The following TSNARE1 variants were observed in gnomAD, a reference collection of about 807,000 sequenced individuals.
TSNARE1 encodes t-SNARE domain containing 1, also known as t-SNARE domain-containing protein 1.
TSNARE1 carries 49 observed loss-of-function variants against 62.0 expected under a neutral mutation model. That is an observed-to-expected ratio of 0.79 (90% confidence interval 0.63 to 1.00). The LOEUF is 1.00. TSNARE1 is among the 50% of genes least tolerant of loss of function. The pLI is 0.00. For missense variants in TSNARE1, 755 were observed against 700.1 expected, an observed-to-expected ratio of 1.08 and a Z score of -0.88; for synonymous variants, 328 against 294.4, an observed-to-expected ratio of 1.11 and a Z score of -1.17.
intron 10 of TSNARE1, among the ~76,000 whole-genome samples, chr8:142,293,209 C>T (rs1824099744): frequency 6.6e-6 from 1 of 152,254 alleles, no homozygotes; most frequent in South Asian, 2.1e-4. Flanking sequence ...GCAAGGCTAA[C>T]CCCTTAGCGT....
At chr8:142,396,234 A>AACACAC (rs144100549) in intron 1 of TSNARE1, among the ~76,000 whole-genome samples, 13 of 151,348 alleles carry the variant, frequency 8.6e-5, no homozygotes, top group Non-Finnish European at 3.0e-5. Flanking sequence ...GATAAACACA[A>AACACAC]ACACACACAC....
At chr8:142,402,134 G>C (rs1257046548) in intron 1 of TSNARE1, among the ~76,000 whole-genome samples, 3 of 152,320 alleles carry the variant, frequency 2.0e-5, no homozygotes, top group Admixed American at 2.0e-4. Context: ...ACTAAAAGAA[G>C]AGGCAAGTGT....
intron 4 of TSNARE1, among the ~76,000 whole-genome samples, chr8:142,335,954 C>A (rs1831693494): frequency 6.6e-6 from 1 of 152,078 alleles, no homozygotes; most frequent in Non-Finnish European, 1.5e-5. Context: ...TTTCACCATT[C>A]CCACCAAAAA....
At chr8:142,350,024 C>G (rs1397348682) in intron 2 of TSNARE1, among the ~76,000 whole-genome samples, 2 of 127,106 alleles carry the variant, frequency 1.6e-5, no homozygotes, top group African/African-American at 6.2e-5. Context: ...GGGACCAGGG[C>G]AGGCAGGGCG....
chr8:142,289,626 G>A (rs891588937), intron 10 of TSNARE1, among the ~76,000 whole-genome samples: 1 of 152,164 alleles, frequency 6.6e-6, no homozygotes, highest in Non-Finnish European at 1.5e-5. Flanking sequence ...CTGCACTAGA[G>A]GCCCCAGATG....
chr8:142,254,517 C>T (rs1818329522), intron 12 of TSNARE1, among the ~76,000 whole-genome samples: 1 of 152,194 alleles, frequency 6.6e-6, no homozygotes, highest in African/African-American at 2.4e-5. Context: ...CAGGGGATCC[C>T]CGTGGGACCC....
chr8:142,290,248 G>C (rs776956022), intron 10 of TSNARE1, among the ~76,000 whole-genome samples: 6 of 152,152 alleles, frequency 3.9e-5, no homozygotes, highest in Non-Finnish European at 7.4e-5. Flanking sequence ...GACTGCCCCG[G>C]ATGGAGCCCT....
intron 9 of TSNARE1, among the ~76,000 whole-genome samples, chr8:142,313,951 G>T (rs1828084255): frequency 6.6e-6 from 1 of 152,134 alleles, no homozygotes; most frequent in African/African-American, 2.4e-5. Context: ...GCTAATTTTT[G>T]TATTTTTAGT....
At chr8:142,279,494 C>T (rs1208929055) in intron 11 of TSNARE1, among the ~76,000 whole-genome samples, 2 of 152,206 alleles carry the variant, frequency 1.3e-5, no homozygotes, top group East Asian at 3.9e-4. Context: ...GTAGCGCTCA[C>T]CTCTCTACAG....
At chr8:142,267,118 T>A (rs948909217) in intron 12 of TSNARE1, among the ~76,000 whole-genome samples, 17 of 152,256 alleles carry the variant, frequency 1.1e-4, no homozygotes, top group Non-Finnish European at 2.4e-4. Context: ...TTGCAACAGC[T>A]AAAATCTTTT....
chr8:142,366,329 T>C (rs1835549355), intron 1 of TSNARE1, among the ~76,000 whole-genome samples: 1 of 152,098 alleles, frequency 6.6e-6, no homozygotes, highest in Admixed American at 6.6e-5. Flanking sequence ...TGTATAACCA[T>C]GTCACCAAAA....
intron 12 of TSNARE1, among the ~76,000 whole-genome samples, chr8:142,238,108 C>T (rs915452961): frequency 6.6e-6 from 1 of 152,120 alleles, no homozygotes; most frequent in African/African-American, 2.4e-5. Flanking sequence ...ACTGCGTTAC[C>T]CGCCCCCCCT....
chr8:142,365,623 C>CACAT (rs1835487927), intron 1 of TSNARE1, among the ~76,000 whole-genome samples: 1 of 149,238 alleles, frequency 6.7e-6, no homozygotes, highest in African/African-American at 2.5e-5. Context: ...CACACACACA[C>CACAT]ACACACACAC....
At chr8:142,331,475 C>T (rs1831023415) in intron 5 of TSNARE1, among the ~76,000 whole-genome samples, 1 of 152,212 alleles carries the variant, frequency 6.6e-6, no homozygotes, top group Non-Finnish European at 1.5e-5. Flanking sequence ...GGGCAGGGGG[C>T]AGCAGGCAGG....
intron 12 of TSNARE1, chr8:142,271,607 AG>A (rs1411780568): frequency 2.1e-6 from 3 of 1,433,110 alleles, no homozygotes; most frequent in Admixed American, 2.7e-5. Context: ...TCGTAAGTCC[AG>A]GGGGTCAGGT....
intron 1 of TSNARE1, among the ~76,000 whole-genome samples, chr8:142,399,934 C>T (rs1020687015): frequency 1.3e-5 from 2 of 152,202 alleles, no homozygotes; most frequent in Admixed American, 6.5e-5. Flanking sequence ...ATGACTCACG[C>T]TGGGAATCCC....
At chr8:142,399,160 T>C (rs1206025046) in intron 1 of TSNARE1, among the ~76,000 whole-genome samples, 3 of 152,262 alleles carry the variant, frequency 2.0e-5, no homozygotes, top group African/African-American at 7.2e-5. Flanking sequence ...TCATTGTTGG[T>C]AGTGCCCTTC....
chr8:142,392,196 G>C (rs760148742), intron 1 of TSNARE1, among the ~76,000 whole-genome samples: 1 of 152,008 alleles, frequency 6.6e-6, no homozygotes, highest in Non-Finnish European at 1.5e-5. Context: ...GCTAATTTTT[G>C]CATTTGTAGT....
At chr8:142,360,474 G>A (rs376732720) in intron 1 of TSNARE1, among the ~76,000 whole-genome samples, 6 of 152,256 alleles carry the variant, frequency 3.9e-5, no homozygotes, top group African/African-American at 1.2e-4. Context: ...CCCAAGAATA[G>A]CCCGAGCTCC....
Sources: allele counts gnomAD v4.1 joint callset (sites outside exome capture counted in the v4.1 genomes callset), GRCh38; gene constraint gnomAD v4.1.1; transcripts MANE v1.5; gene names NCBI Gene and HGNC (gene_info 2026-07-23, HGNC 2026-07-21).